The following XKR9 variants were observed in gnomAD, a reference collection of about 807,000 sequenced individuals.
XKR9 encodes XK-related protein 9.
XKR9 carries 32 observed loss-of-function variants against 32.0 expected under a neutral mutation model. The observed-to-expected ratio is 1.00, with a 90% confidence interval of 0.76 to 1.34. The LOEUF is 1.34. XKR9 is among the 40% of genes most tolerant of loss of function. The pLI, the probability that XKR9 is intolerant of heterozygous loss-of-function variation, is 0.00. For synonymous variants in XKR9, 168 were observed against 143.4 expected (o/e 1.17, Z -1.22); for missense variants, 546 against 429.7 (o/e 1.27, Z -2.39).
chr8:71,002,738 A>G, the XKR9 span, among the ~76,000 whole-genome samples: 1 of 152,246 alleles, frequency 6.6e-6, no homozygotes, highest in African/African-American at 2.4e-5. Context: ...GCTGTAAAAA[A>G]ACTCAGACAT....
At chr8:70,853,726 G>A in the XKR9 span, among the ~76,000 whole-genome samples, 2 of 151,796 alleles carry the variant, frequency 1.3e-5, no homozygotes, top group Non-Finnish European at 2.9e-5. Context: ...CCCTTCCTGT[G>A]TCCATGTGTT....
chr8:70,908,852 A>G, the XKR9 span, among the ~76,000 whole-genome samples: 1 of 152,218 alleles, frequency 6.6e-6, no homozygotes, highest in African/African-American at 2.4e-5. Context: ...TCCATGGGCC[A>G]TAGTTTGCCA....
At chr8:71,030,456 C>T in the XKR9 span, among the ~76,000 whole-genome samples, 7 of 152,134 alleles carry the variant, frequency 4.6e-5, no homozygotes, top group Non-Finnish European at 1.0e-4. Context: ...AAGTGATCTT[C>T]AAGTCCAAAG....
chr8:70,947,831 G>C, the XKR9 span, among the ~76,000 whole-genome samples: 3 of 152,170 alleles, frequency 2.0e-5, no homozygotes, highest in Non-Finnish European at 4.4e-5. Flanking sequence ...CCAGGAAACT[G>C]TAAGGTATTT....
chr8:71,030,784 A>G, the XKR9 span, among the ~76,000 whole-genome samples: 970 of 152,292 alleles, frequency 6.4e-3, 11 homozygotes, highest in African/African-American at 0.021. Context: ...TTTGAATTCT[A>G]AACTCATTGA....
the XKR9 span, among the ~76,000 whole-genome samples, chr8:70,963,509 T>C: frequency 1.3e-5 from 2 of 152,214 alleles, no homozygotes; most frequent in African/African-American, 2.4e-5. Context: ...GGTCAAATGG[T>C]ATTTCTGCTT....
chr8:70,930,735 G>A, the XKR9 span, among the ~76,000 whole-genome samples: 1 of 152,146 alleles, frequency 6.6e-6, no homozygotes, highest in Non-Finnish European at 1.5e-5. Context: ...TCATGGCGTG[G>A]CTCAGGGGAT....
At chr8:70,894,847 G>A in the XKR9 span, among the ~76,000 whole-genome samples, 38 of 152,052 alleles carry the variant, frequency 2.5e-4, no homozygotes, top group Non-Finnish European at 4.7e-4. Flanking sequence ...CTCAGCTTGG[G>A]GCTGTTGGGA....
At chr8:70,859,595 G>C in the XKR9 span, among the ~76,000 whole-genome samples, 2 of 152,056 alleles carry the variant, frequency 1.3e-5, no homozygotes, top group Non-Finnish European at 2.9e-5. Context: ...GAATCAACCT[G>C]TTTATCAACT....
chr8:70,788,917 C>T (rs994356891), intron 2 of XKR9, among the ~76,000 whole-genome samples: 1 of 152,042 alleles, frequency 6.6e-6, no homozygotes, highest in Non-Finnish European at 1.5e-5. Context: ...AAAATCTGAA[C>T]ATTTTAGGTC....
At chr8:70,769,250 T>C (rs1807420647) in intron 2 of XKR9, among the ~76,000 whole-genome samples, 1 of 151,228 alleles carries the variant, frequency 6.6e-6, no homozygotes, top group African/African-American at 2.4e-5. Flanking sequence ...TTTTTAAGAA[T>C]GTTGAATATT....
chr8:70,957,813 G>A, the XKR9 span, among the ~76,000 whole-genome samples: 1 of 118,650 alleles, frequency 8.4e-6, no homozygotes, highest in Non-Finnish European at 1.7e-5. Flanking sequence ...TTTTTGGGAC[G>A]GAGTCTCACT....
intron 2 of XKR9, among the ~76,000 whole-genome samples, chr8:70,741,907 C>G (rs533686832): frequency 7.3e-5 from 11 of 151,640 alleles, no homozygotes; most frequent in Admixed American, 4.6e-4. Context: ...TACAATCCCA[C>G]CAACATTGCA....
chr8:71,043,883 G>A, the XKR9 span, among the ~76,000 whole-genome samples: 14 of 151,752 alleles, frequency 9.2e-5, no homozygotes, highest in Admixed American at 2.6e-4. Flanking sequence ...AATGACATTG[G>A]ATTTGCCTAG....
At chr8:70,984,480 A>G in the XKR9 span, among the ~76,000 whole-genome samples, 1 of 152,210 alleles carries the variant, frequency 6.6e-6, no homozygotes, top group Non-Finnish European at 1.5e-5. Flanking sequence ...TGTTCTGGGA[A>G]ATAAAGACTC....
chr8:70,782,958 A>G (rs1021962263), intron 2 of XKR9, among the ~76,000 whole-genome samples: 1 of 152,128 alleles, frequency 6.6e-6, no homozygotes, highest in Non-Finnish European at 1.5e-5. Context: ...GGATTGCTGG[A>G]TCATGGTAAA....
At chr8:70,900,330 T>C in the XKR9 span, among the ~76,000 whole-genome samples, 1 of 152,068 alleles carries the variant, frequency 6.6e-6, no homozygotes, top group Non-Finnish European at 1.5e-5. Context: ...GTGCTCGCGC[T>C]TGTAATCCCA....
the XKR9 span, among the ~76,000 whole-genome samples, chr8:70,831,003 C>T: frequency 6.6e-6 from 1 of 152,108 alleles, no homozygotes; most frequent in Admixed American, 6.6e-5. Context: ...AAAAACCTAA[C>T]TTCTGGGCCA....
At chr8:70,979,562 A>C in the XKR9 span, among the ~76,000 whole-genome samples, 3 of 152,212 alleles carry the variant, frequency 2.0e-5, no homozygotes. Flanking sequence ...GGGTATCTCC[A>C]GCGGAGGCTG....
Sources: gnomAD v4.1 joint callset for allele counts (sites outside exome capture counted in the v4.1 genomes callset) on GRCh38, gnomAD v4.1.1 for gene constraint, MANE v1.5 for transcripts, NCBI Gene and HGNC (gene_info 2026-07-23, HGNC 2026-07-21) for gene names.